Variants in FBXL7 observed in about 807,000 individuals in gnomAD.
FBXL7 encodes the protein F-box/LRR-repeat protein 7.
FBXL7 carries 12 observed loss-of-function variants against 38.3 expected under a neutral mutation model. That is an observed-to-expected ratio of 0.31 (90% confidence interval 0.20 to 0.51). The LOEUF is 0.51. Among genes scored for constraint, FBXL7 ranks in the 20% least tolerant of loss-of-function variants. The probability of loss-of-function intolerance (pLI) is 0.98; values close to 1 mark genes in which losing one functional copy is unlikely to be tolerated. For missense variants in FBXL7, 567 were observed against 676.4 expected (o/e 0.84, Z 1.79); for synonymous variants, 297 against 300.9 (o/e 0.99, Z 0.13).
chr5:15,926,229 T>C (rs957102766), intron 2 of FBXL7, among the ~76,000 whole-genome samples: 3 of 151,380 alleles, frequency 2.0e-5, no homozygotes, highest in Non-Finnish European at 4.4e-5. Flanking sequence ...AGAAAATACA[T>C]TTCTTCCTAA....
rs553635398 is a variant in FBXL7 at position 15,766,955 on chromosome 5, C to T, written c.127+150883C>T. ...TCCTTGTCACACCACTAGTAAACAA[C>T]TCTGTTTTAAAAATCTGTAATTTTC... On this transcript the variant is annotated intron_variant, in intron 2 of 3. Coordinates refer to ENST00000504595, the MANE Select transcript of FBXL7 (RefSeq NM_012304.5). 3.9e-5 allele frequency among the ~76,000 whole-genome samples: 6 copies of T among 152,296 alleles called. No individual in the cohort carries two copies. The East Asian group carries it at 1.2e-3, about 29-fold the overall frequency.
intron 2 of FBXL7, among the ~76,000 whole-genome samples, chr5:15,874,097 A>T (rs1052008331): frequency 9.2e-5 from 14 of 152,234 alleles, no homozygotes; most frequent in Admixed American, 6.5e-4. Flanking sequence ...CATCCCTGGG[A>T]TGCAAAGCTG....
chr5:15,527,576 T>C (rs1019443644), intron 1 of FBXL7, among the ~76,000 whole-genome samples: 1 of 152,202 alleles, frequency 6.6e-6, no homozygotes, highest in African/African-American at 2.4e-5. Flanking sequence ...TTCTGAAATA[T>C]TTACTGTAAA....
chr5:15,696,745 CTTGA>C (rs773793643), intron 2 of FBXL7, among the ~76,000 whole-genome samples: 81 of 152,172 alleles, frequency 5.3e-4, no homozygotes, highest in Admixed American at 3.7e-3. Flanking sequence ...AGGACAAGAT[CTTGA>C]TTAATTCCCA....
At chr5:15,833,672 C>T (rs1738515971) in intron 2 of FBXL7, among the ~76,000 whole-genome samples, 1 of 152,114 alleles carries the variant, frequency 6.6e-6, no homozygotes, top group South Asian at 2.1e-4. Context: ...AAGGCTTTGC[C>T]GTTTTTCTGT....
chr5:15,703,799 A>G (rs964342963), intron 2 of FBXL7, among the ~76,000 whole-genome samples: 3 of 152,240 alleles, frequency 2.0e-5, no homozygotes, highest in African/African-American at 7.2e-5. Flanking sequence ...ATAATGTCCA[A>G]TTCAGACTCC....
At chr5:15,858,363 A>C (rs1287955196) in intron 2 of FBXL7, among the ~76,000 whole-genome samples, 15 of 152,050 alleles carry the variant, frequency 9.9e-5, no homozygotes, top group Admixed American at 9.8e-4. Context: ...TCTACAGTAA[A>C]CCATTCAGCT....
rs1042622172 is a variant in FBXL7, at chr5:15,505,978, T to C, written c.37+5265T>C. Among the ~76,000 whole-genome samples the C allele has an allele frequency of 5.3e-5, 8 of 152,316 alleles. 1 individual carries two copies. Among genetic ancestry groups the C allele is most frequent in the Middle Eastern group, 3.4e-3 (1 of 294 alleles). ...TAATTCCATCTTAATTAAGCACTTATCATGCATGGTGGCTCTAACTTTTAC... is the reference window on the plus strand; with the variant it reads ...TAATTCCATCTTAATTAAGCACTTACCATGCATGGTGGCTCTAACTTTTAC... On this transcript the variant is annotated intron_variant, in intron 1 of 3. Coordinates refer to ENST00000504595, the MANE Select transcript of FBXL7 (RefSeq NM_012304.5).
rs2126479315 is a variant in FBXL7 at position 15,938,985 on chromosome 5, A to C, written c.*1799A>C. 2.5e-6 allele frequency: 1 copy of C among 399,054 alleles called. No individual in the cohort carries two copies. Among genetic ancestry groups the C allele is most frequent in the South Asian group, 1.3e-4 (1 of 7,862 alleles). The allele number at this position is 399,054 out of a possible 1,614,324, so 24.7% of individuals were successfully genotyped here. A position where few individuals can be genotyped will look rare whatever the true frequency, so the allele number is the denominator to read the frequency against. On this transcript the variant is annotated 3_prime_UTR_variant, in exon 4 of 4. Transcript: ENST00000504595. ...CAAATGCAGAACCTCTGCATCTCCA[A>C]GCCAGTTATGCTGAATTTGTCAAAC...
At position 15,936,311 on chromosome 5, in the gene FBXL7, A is replaced by T. The variant is rs1579617198; in HGVS notation, c.740-139A>T. Reference sequence around the variant, plus strand: ...GAACCCATTCTTGCATTTCCTCTCTATAGAGACCAAGACAGGAAAGGGTAA... The same window carrying T: ...GAACCCATTCTTGCATTTCCTCTCTTTAGAGACCAAGACAGGAAAGGGTAA... On this transcript the variant is annotated intron_variant, in intron 3 of 3. Transcript: ENST00000504595. This position sits in a 1 kb window ranked among gnomAD's most constrained non-coding sequence, Gnocchi z 6.0. 2 of 964,718 alleles carry T rather than the reference A, an allele frequency of 2.1e-6. No homozygotes were observed. Among genetic ancestry groups the T allele is most frequent in the Non-Finnish European group, 3.0e-6 (2 of 667,436 alleles). The allele number at this position is 964,718 out of a possible 1,614,324, so 59.8% of individuals were successfully genotyped here.
chr5:15,748,147 G>T (rs898496724), intron 2 of FBXL7, among the ~76,000 whole-genome samples: 2 of 151,848 alleles, frequency 1.3e-5, no homozygotes, highest in Non-Finnish European at 1.5e-5. Flanking sequence ...TAACTGGGAG[G>T]GGGTGAGGTA....
chr5:15,633,404 A>T (rs926185986), intron 2 of FBXL7, among the ~76,000 whole-genome samples: 4 of 152,178 alleles, frequency 2.6e-5, no homozygotes, highest in African/African-American at 9.7e-5. Context: ...CCCATCCCTG[A>T]TACTCAGATA....
chr5:15,515,721 C>T (rs369328874), intron 1 of FBXL7, among the ~76,000 whole-genome samples: 7 of 151,982 alleles, frequency 4.6e-5, no homozygotes, highest in African/African-American at 1.5e-4. Context: ...GCTTATTAAA[C>T]GAGGGACCAA....
At chr5:15,508,993 A>C (rs1344998453) in intron 1 of FBXL7, among the ~76,000 whole-genome samples, 1 of 152,214 alleles carries the variant, frequency 6.6e-6, no homozygotes, top group Admixed American at 6.5e-5. Context: ...GCCCTAAAAC[A>C]CGTAGATCTA....
chr5:15,747,038 T>C (rs1039821940), intron 2 of FBXL7, among the ~76,000 whole-genome samples: 7 of 152,152 alleles, frequency 4.6e-5, no homozygotes, highest in Non-Finnish European at 8.8e-5. Context: ...GATCATGCTG[T>C]TAGTCACACC....
chr5:15,586,140 T>G (rs1739294956), intron 1 of FBXL7, among the ~76,000 whole-genome samples: 1 of 152,106 alleles, frequency 6.6e-6, no homozygotes, highest in Admixed American at 6.5e-5. Context: ...ACACAGAATC[T>G]GGGGGGTATT....
intron 1 of FBXL7, among the ~76,000 whole-genome samples, chr5:15,529,552 A>AT (rs1385928169): frequency 2.0e-5 from 3 of 151,664 alleles, no homozygotes; most frequent in Non-Finnish European, 4.4e-5. Context: ...TGCCCGGCTA[A>AT]TTTTTTTGTA....
chr5:15,696,788 G>T (rs763003072), intron 2 of FBXL7, among the ~76,000 whole-genome samples: 2 of 152,110 alleles, frequency 1.3e-5, no homozygotes, highest in Non-Finnish European at 2.9e-5. Context: ...GTGGAACAAC[G>T]TCCTCTCCCT....
In FBXL7 at chr5:15,917,644, GGGAAGGAAGGAA is replaced by G. The variant is rs57231456; in HGVS notation, c.128-10204_128-10193del. Among the ~76,000 whole-genome samples the G allele has an allele frequency of 7.6e-3, 695 of 90,994 alleles. 8 individuals carry two copies. Among genetic ancestry groups the G allele is most frequent in the African/African-American group, 0.024 (594 of 24,606 alleles). The allele number at this position is 90,994 out of a possible 152,430, so 59.7% of individuals were successfully genotyped here. On this transcript the variant is annotated intron_variant, in intron 2 of 3. Coordinates refer to ENST00000504595, the MANE Select transcript of FBXL7 (RefSeq NM_012304.5). ...AAATGAAAGAAAGTAAAGGAAGGGA[GGGAAGGAAGGAA>G]GGAAGGAAGGAAGGAAGGAAGGAAG...
Sources: gnomAD v4.1 joint callset for allele counts (sites outside exome capture counted in the v4.1 genomes callset) on GRCh38, gnomAD v4.1.1 for gene constraint, Gnocchi (gnomAD v3.1) non-coding constraint, MANE v1.5 for transcripts, NCBI Gene and HGNC (gene_info 2026-07-23, HGNC 2026-07-21) for gene names.